Variants in PALM2AKAP2 observed in about 807,000 individuals in gnomAD.
PALM2AKAP2 encodes PALM2-AKAP2 fusion protein.
In PALM2AKAP2, 37 loss-of-function variants were observed where a neutral mutation model predicts 71.5. That is an observed-to-expected ratio of 0.52 (90% CI 0.40 to 0.68). PALM2AKAP2 has a LOEUF of 0.68. Among genes scored for constraint, PALM2AKAP2 ranks in the 30% least tolerant of loss-of-function variants. PALM2AKAP2 has a pLI of 0.00. For synonymous variants in PALM2AKAP2, 468 were observed against 478.8 expected, an observed-to-expected ratio of 0.98 and a Z score of 0.29; for missense variants, 1,224 against 1,191.8, an observed-to-expected ratio of 1.03 and a Z score of -0.40.
At chr9:110,048,821 C>A in exon 1 of PALM2AKAP2, 1 of 1,532,006 alleles carries the variant, frequency 6.5e-7, no homozygotes, top group Non-Finnish European at 8.7e-7. Flanking sequence ...GGAGCAGAAC[C>A]CCAGGACTGC....
intron 1 of PALM2AKAP2, among the ~76,000 whole-genome samples, chr9:109,728,295 G>A (rs1394516262): frequency 6.6e-6 from 1 of 152,230 alleles, no homozygotes; most frequent in Non-Finnish European, 1.5e-5. Flanking sequence ...TTTTACAGAT[G>A]TAGAAACAGG....
chr9:109,657,938 T>G (rs62581673), intron 1 of PALM2AKAP2, among the ~76,000 whole-genome samples: 87 of 142,512 alleles, frequency 6.1e-4, no homozygotes, highest in African/African-American at 1.8e-3. Context: ...TTGTGTGTGT[T>G]TGTGTGTGTG....
rs963307787 is a variant in PALM2AKAP2, at chr9:109,697,064, G to A, written c.5+56198G>A. Among the ~76,000 whole-genome samples the A allele has an allele frequency of 3.3e-5, 5 of 151,818 alleles. No individual in the cohort carries two copies. The South Asian group carries it at 6.2e-4, about 19-fold the overall frequency. On this transcript the variant is annotated intron_variant, in intron 1 of 6. Coordinates refer to the PALM2AKAP2 transcript ENST00000374531. Reference sequence around the variant, plus strand: ...TCTTGAAAGCACTTCTCGATAAATCGCTGGCATGAGAGTCTCCCCCTTAGG... The same window carrying A: ...TCTTGAAAGCACTTCTCGATAAATCACTGGCATGAGAGTCTCCCCCTTAGG...
intron 1 of PALM2AKAP2, among the ~76,000 whole-genome samples, chr9:109,753,842 C>A (rs1828920195): frequency 6.6e-6 from 1 of 151,902 alleles, no homozygotes; most frequent in South Asian, 2.1e-4. Flanking sequence ...TTTTAAAAAT[C>A]AAGGATACTA....
intron 1 of PALM2AKAP2, among the ~76,000 whole-genome samples, chr9:110,061,043 C>T (rs1833955194): frequency 6.6e-6 from 1 of 152,188 alleles, no homozygotes; most frequent in Non-Finnish European, 1.5e-5. Flanking sequence ...AACCTCCTCT[C>T]CCAGCCCACA....
At chr9:109,896,387 T>G (rs1045934006) in intron 3 of PALM2AKAP2, among the ~76,000 whole-genome samples, 1 of 151,860 alleles carries the variant, frequency 6.6e-6, no homozygotes, top group Non-Finnish European at 1.5e-5. Flanking sequence ...ATTAATAGAG[T>G]CTGGCAGGGA....
intron 6 of PALM2AKAP2, among the ~76,000 whole-genome samples, chr9:109,957,410 A>G (rs895149324): frequency 6.6e-6 from 1 of 152,242 alleles, no homozygotes; most frequent in African/African-American, 2.4e-5. Flanking sequence ...ACTCCCGCAC[A>G]GAAGACTTCT....
intron 3 of PALM2AKAP2, among the ~76,000 whole-genome samples, chr9:109,887,741 T>G (rs1829999598): frequency 6.6e-6 from 1 of 152,138 alleles, no homozygotes; most frequent in African/African-American, 2.4e-5. Context: ...AAAATAATTT[T>G]AAAAAAGTGA....
At chr9:110,019,837 T>C (rs950402813) in intron 7 of PALM2AKAP2, among the ~76,000 whole-genome samples, 10 of 152,186 alleles carry the variant, frequency 6.6e-5, no homozygotes, top group Admixed American at 6.5e-4. Context: ...ACCTATTGGA[T>C]ACTATGTTCA....
intron 3 of PALM2AKAP2, among the ~76,000 whole-genome samples, chr9:109,887,127 G>A (rs1187217147): frequency 2.0e-5 from 3 of 152,208 alleles, no homozygotes; most frequent in Non-Finnish European, 4.4e-5. Context: ...AGCCAAAGGC[G>A]TAGAGACATT....
chr9:109,976,439 G>C (rs1832174696), intron 6 of PALM2AKAP2, among the ~76,000 whole-genome samples: 2 of 152,204 alleles, frequency 1.3e-5, no homozygotes, highest in South Asian at 4.1e-4. Flanking sequence ...GGGCTTTGAT[G>C]GAGATGGATG....
chr9:109,728,230 C>T (rs1564127138), intron 1 of PALM2AKAP2, among the ~76,000 whole-genome samples: 2 of 151,872 alleles, frequency 1.3e-5, no homozygotes, highest in East Asian at 3.8e-4. Flanking sequence ...ATGATAACAA[C>T]ATTCATTAAG....
intron 3 of PALM2AKAP2, among the ~76,000 whole-genome samples, chr9:109,900,850 C>G (rs1256302166): frequency 6.6e-6 from 1 of 152,234 alleles, no homozygotes; most frequent in Non-Finnish European, 1.5e-5. Context: ...ACTTTGACTT[C>G]AGACAGAACA....
chr9:110,136,653 C>G (rs1421653933), exon 2 of PALM2AKAP2: 1 of 1,614,032 alleles, frequency 6.2e-7, no homozygotes, highest in Non-Finnish European at 8.5e-7. Context: ...CCCAGCCAGC[C>G]TAGAGATGCG....
At chr9:110,088,670 G>A (rs1834627356) in intron 1 of PALM2AKAP2, among the ~76,000 whole-genome samples, 2 of 145,894 alleles carry the variant, frequency 1.4e-5, no homozygotes, top group South Asian at 4.4e-4. Flanking sequence ...CCAGCCACTG[G>A]CCACAAGTAG....
chr9:110,021,768 C>G (rs7029432), intron 7 of PALM2AKAP2, among the ~76,000 whole-genome samples: 5,896 of 150,558 alleles, frequency 0.039, 393 homozygotes, highest in African/African-American at 0.14. Flanking sequence ...AGGTATGGAT[C>G]AGTATTTCTT....
At chr9:109,764,700 T>C (rs1829121280) in intron 1 of PALM2AKAP2, among the ~76,000 whole-genome samples, 1 of 152,142 alleles carries the variant, frequency 6.6e-6, no homozygotes, top group South Asian at 2.1e-4. Context: ...TGTTGAATGA[T>C]GAATGACTGG....
chr9:110,168,703 A>C (rs549291139), exon 4 of PALM2AKAP2: 22 of 608,174 alleles, frequency 3.6e-5, no homozygotes, highest in Admixed American at 1.9e-4. Context: ...AGGAATCAAA[A>C]GAGAAAGGAC....
At chr9:110,093,741 A>G (rs978399225) in intron 1 of PALM2AKAP2, among the ~76,000 whole-genome samples, 2 of 152,158 alleles carry the variant, frequency 1.3e-5, no homozygotes, top group African/African-American at 4.8e-5. Context: ...GGAAGGCATC[A>G]CACTACCCTG....
Sources: allele counts gnomAD v4.1 joint callset (sites outside exome capture counted in the v4.1 genomes callset), GRCh38; gene constraint gnomAD v4.1.1; transcripts MANE v1.5; gene names NCBI Gene and HGNC (gene_info 2026-07-23, HGNC 2026-07-21).